PLK5: variants seen among roughly 807,000 people sequenced by gnomAD.
The protein encoded by PLK5 is inactive serine/threonine-protein kinase PLK5.
In PLK5, 28 loss-of-function variants were observed where a neutral mutation model predicts 33.7. The observed-to-expected ratio is 0.83, with a 90% CI of 0.62 to 1.14. The LOEUF is 1.14. PLK5 is among the 50% of genes most tolerant of loss of function. The pLI is 0.00. For synonymous variants in PLK5, 225 were observed against 202.2 expected (o/e 1.11, Z -0.96); for missense variants, 492 against 461.5 (o/e 1.07, Z -0.61).
Position 1,526,751 on chromosome 19 carries a change from G to A in PLK5, c.-135G>A. ...CATGGAGGTGAAGATTGGAGACCTGGGACTGGCGGCCAAGGTGGGGCCAGG... is the reference window on the plus strand; with the variant it reads ...CATGGAGGTGAAGATTGGAGACCTGAGACTGGCGGCCAAGGTGGGGCCAGG... On this transcript the variant is annotated 5_prime_UTR_variant, in exon 5 of 14. Transcript: ENST00000454744. 1.8e-6 allele frequency: 1 copy of A among 570,924 alleles called. No individual in the cohort carries two copies. Among genetic ancestry groups the A allele is most frequent in the Non-Finnish European group, 3.1e-6 (1 of 320,654 alleles). The allele number at this position is 570,924 out of a possible 1,614,324, so 35.4% of individuals were successfully genotyped here. A position where few individuals can be genotyped will look rare whatever the true frequency, so the allele number is the denominator to read the frequency against.
In PLK5 at chr19:1,528,284, C is replaced by G. The variant is rs1913806565; in HGVS notation, c.202-18C>G. On this transcript the variant is annotated intron_variant, in intron 7 of 13. Coordinates refer to ENST00000454744, the MANE Select transcript of PLK5 (RefSeq NM_001243079.2). ...TGGGTGACCTAAGCCGGGGATAACC[C>G]CAAATCCCCATCCAAAGGGTTTCAC... 1 of 1,535,798 alleles carries G rather than the reference C, an allele frequency of 6.5e-7. No homozygotes were observed. The highest frequency in any genetic ancestry group is 8.7e-7 in the Non-Finnish European group (1 of 1,146,818).
Position 1,528,072 on chromosome 19 carries a change from G to A in PLK5, c.139G>A (p.Ala47Thr). Residue 47 changes from alanine (A) to threonine (T), a missense_variant, in exon 7 of 14, where the codon GCA becomes ACA. By Grantham distance (58) the Ala-to-Thr change is moderately conservative. Coordinates refer to ENST00000454744, the MANE Select transcript of PLK5 (RefSeq NM_001243079.2). ...NARRLIVHLL[A>T]PNPAERPSLD... ...GCGCCGCCTCATCGTGCACCTCCTA[G>A]CACCCAACCCGGCCGAGCGGCCCAG... is the stretch of plus-strand genomic sequence containing the variant. 6.5e-7 allele frequency: 1 copy of A among 1,536,048 alleles called. No homozygotes were observed. The highest frequency in any genetic ancestry group is 8.7e-7 in the Non-Finnish European group (1 of 1,146,836).
chr19:1,524,863 T>C lies in PLK5; in HGVS notation c.-543-442T>C, dbSNP rs12461585. The C allele has an allele frequency of 0.38, 57,969 of 152,768 alleles. 11,828 individuals carry two copies. The highest frequency in any genetic ancestry group is 0.72 in the East Asian group (3,698 of 5,172). The allele number at this position is 152,768 out of a possible 1,614,324, so 9.5% of individuals were successfully genotyped here. A position where few individuals can be genotyped will look rare whatever the true frequency, so the allele number is the denominator to read the frequency against. On this transcript the variant is annotated intron_variant, in intron 1 of 13. Transcript: ENST00000454744. The surrounding 1 kb of genome is among the most constrained non-coding windows in gnomAD (Gnocchi z 4.5). Reference sequence around the variant, plus strand: ...GTGTTCATGTGTTTGTGTGTTCCTGTGCTGTGTCTGGGTATTGTGTTGTGT... The same window carrying C: ...GTGTTCATGTGTTTGTGTGTTCCTGCGCTGTGTCTGGGTATTGTGTTGTGT...
rs561175511 is a variant in PLK5 at position 1,528,818 on chromosome 19, G to T, written c.329-80G>T. 8.6e-5 allele frequency: 92 copies of T among 1,071,598 alleles called. No homozygotes were observed. In the African/African-American group the frequency reaches 1.1e-3, roughly 13 times the overall value. The allele number at this position is 1,071,598 out of a possible 1,614,324, so 66.4% of individuals were successfully genotyped here. A position where few individuals can be genotyped will look rare whatever the true frequency, so the allele number is the denominator to read the frequency against. ...TCCGCTCTGTCTCCACATCAGGGGT[G>T]GGTGTGGGTGGCAGGTGCCCCCCTA... On this transcript the variant is annotated intron_variant, in intron 8 of 13. Coordinates refer to ENST00000454744, the MANE Select transcript of PLK5 (RefSeq NM_001243079.2).
At position 1,535,662 on chromosome 19, in the gene PLK5, C is replaced by T. The variant is rs541342749; in HGVS notation, c.*412C>T. Reference sequence around the variant, plus strand: ...CTTTGGGAGGCCAAGGCAGGAGGATCGCTTGGGCCCAGGAGTTTGAGACCA... The same window carrying T: ...CTTTGGGAGGCCAAGGCAGGAGGATTGCTTGGGCCCAGGAGTTTGAGACCA... On this transcript the variant is annotated 3_prime_UTR_variant, in exon 14 of 14. Transcript: ENST00000454744. 26 of 191,716 alleles carry T rather than the reference C, an allele frequency of 1.4e-4. No homozygotes were observed. Among genetic ancestry groups the T allele is most frequent in the African/African-American group, 4.8e-4 (20 of 41,884 alleles). 11.9% of individuals were successfully genotyped at this position (191,716 alleles called of 1,614,324 possible). A position where few individuals can be genotyped will look rare whatever the true frequency, so the allele number is the denominator to read the frequency against.
rs1363759070 is a variant in PLK5 at position 1,529,490 on chromosome 19, G to A, written c.490G>A (p.Gly164Arg). 2.3e-5 allele frequency: 36 copies of A among 1,535,432 alleles called. No individual in the cohort carries two copies. Among genetic ancestry groups the A allele is most frequent in the South Asian group, 3.6e-5 (3 of 84,048 alleles). ...AQGTLQSDLAGPEGSRRPEVE... is the reference protein window; with the variant it reads ...AQGTLQSDLARPEGSRRPEVE... Reference sequence around the variant, plus strand: ...AGGGACCCTGCAGAGTGACCTGGCCGGTGAGCAGATCCCCGTCCCAGCCCG... The same window carrying A: ...AGGGACCCTGCAGAGTGACCTGGCCAGTGAGCAGATCCCCGTCCCAGCCCG... The change falls in exon 10 of 14, where the codon GGG becomes AGG. Residue 164 changes from glycine (G) to arginine (R), a missense_variant and splice_region_variant. By Grantham distance (125) the Gly-to-Arg change is moderately radical. Transcript: ENST00000454744.
rs1475503465 is a variant in PLK5 at position 1,528,981 on chromosome 19, C to T, written c.405+7C>T. ...CATGGAGTGGGACGGCGAGGTGAGACATCGGGGTGGGGGACACGGGGAGAC... is the reference window on the plus strand; with the variant it reads ...CATGGAGTGGGACGGCGAGGTGAGATATCGGGGTGGGGGACACGGGGAGAC... On this transcript the variant is annotated splice_region_variant and intron_variant, in intron 9 of 13. Transcript: ENST00000454744. 1 of 1,504,452 alleles carries T rather than the reference C, an allele frequency of 6.6e-7. No individual in the cohort carries two copies. Among genetic ancestry groups the T allele is most frequent in the Non-Finnish European group, 8.8e-7 (1 of 1,131,840 alleles). The allele number at this position is 1,504,452 out of a possible 1,614,324, so 93.2% of individuals were successfully genotyped here. A position where few individuals can be genotyped will look rare whatever the true frequency, so the allele number is the denominator to read the frequency against.
intron 12 of PLK5, among the ~76,000 whole-genome samples, chr19:1,532,713 G>A (rs532858776): frequency 2.0e-5 from 3 of 151,964 alleles, no homozygotes; most frequent in Non-Finnish European, 2.9e-5. Context: ...TTAGAGACGG[G>A]GTTTCTCCAT....
At chr19:1,534,690 G>A (rs12461603) in intron 13 of PLK5, among the ~76,000 whole-genome samples, 38,964 of 147,032 alleles carry the variant, frequency 0.27, 5,917 homozygotes, top group East Asian at 0.64. Flanking sequence ...GGTGGCGGGC[G>A]CCTGTAGTCC....
chr19:1,526,620 G>T lies in PLK5; in HGVS notation c.-183+5G>T. On this transcript the variant is annotated splice_donor_5th_base_variant and intron_variant, in intron 4 of 13. Coordinates refer to ENST00000454744, the MANE Select transcript of PLK5 (RefSeq NM_001243079.2). Reference sequence around the variant, plus strand: ...TGCACCGCGACCTGAAGCTCAGTGAGTGCCAGGAAGGGGAACTGTGGGCGG... The same window carrying T: ...TGCACCGCGACCTGAAGCTCAGTGATTGCCAGGAAGGGGAACTGTGGGCGG... 2.8e-6 allele frequency: 1 copy of T among 362,026 alleles called. No homozygotes were observed. The highest frequency in any genetic ancestry group is 7.3e-5 in the East Asian group (1 of 13,790). 22.4% of individuals were successfully genotyped at this position (362,026 alleles called of 1,614,324 possible). A position where few individuals can be genotyped will look rare whatever the true frequency, so the allele number is the denominator to read the frequency against.
chr19:1,528,885 G>T lies in PLK5; in HGVS notation c.329-13G>T. On this transcript the variant is annotated splice_polypyrimidine_tract_variant and intron_variant, in intron 8 of 13. Transcript: ENST00000454744. ...CAGGCTGTGCCCCCTCCAAGGCCTT[G>T]TGCCTCCCTCAGGCCCCTTCACGCC... The T allele has an allele frequency of 1.3e-6, 2 of 1,497,238 alleles. No individual in the cohort carries two copies. Among genetic ancestry groups the T allele is most frequent in the Non-Finnish European group, 1.8e-6 (2 of 1,130,142 alleles). The allele number at this position is 1,497,238 out of a possible 1,614,324, so 92.7% of individuals were successfully genotyped here. A position where few individuals can be genotyped will look rare whatever the true frequency, so the allele number is the denominator to read the frequency against.
chr19:1,526,741 T>C lies in PLK5; in HGVS notation c.-145T>C, dbSNP rs1413151925. 1.4e-5 allele frequency: 8 copies of C among 555,242 alleles called. No homozygotes were observed. Among genetic ancestry groups the C allele is most frequent in the Non-Finnish European group, 2.3e-5 (7 of 310,406 alleles). The allele number at this position is 555,242 out of a possible 1,614,324, so 34.4% of individuals were successfully genotyped here. A position where few individuals can be genotyped will look rare whatever the true frequency, so the allele number is the denominator to read the frequency against. ...TTAACAAGAACATGGAGGTGAAGAT[T>C]GGAGACCTGGGACTGGCGGCCAAGG... On this transcript the variant is annotated 5_prime_UTR_variant, in exon 5 of 14. Coordinates refer to ENST00000454744, the MANE Select transcript of PLK5 (RefSeq NM_001243079.2).
At position 1,529,397 on chromosome 19, in the gene PLK5, C is replaced by T. The variant is rs758446240; in HGVS notation, c.406-9C>T. The stretch of plus-strand genomic sequence containing the variant: ...GGGGCCACCCCCACCCCTGCTGCTC[C>T]CACCTCAGAGCTCCCTGTCTGCGAA... On this transcript the variant is annotated splice_polypyrimidine_tract_variant and intron_variant, in intron 9 of 13. Transcript: ENST00000454744. 5 of 1,535,354 alleles carry T rather than the reference C, an allele frequency of 3.3e-6. No individual in the cohort carries two copies. The highest frequency in any genetic ancestry group is 2.4e-5 in the South Asian group (2 of 84,022).
Position 1,531,790 on chromosome 19 carries a change from G to T in PLK5, c.621G>T (p.Trp207Cys). ...AGCCCATCCTCTGGGCCCCCAAATGGGTGGATTATTCCAGCAAATACGGCT... is the reference window on the plus strand; with the variant it reads ...AGCCCATCCTCTGGGCCCCCAAATGTGTGGATTATTCCAGCAAATACGGCT... ...EQQPILWAPK[W>C]VDYSSKYGFG... is the part of the protein sequence containing the mutation. The change falls in exon 12 of 14, where the codon TGG (tryptophan) becomes TGT (cysteine). Residue 207 changes from tryptophan to cysteine, a missense_variant. Transcript: ENST00000454744. 6.5e-7 allele frequency: 1 copy of T among 1,535,720 alleles called. No individual in the cohort carries two copies. The highest frequency in any genetic ancestry group is 8.7e-7 in the Non-Finnish European group (1 of 1,146,684).
chr19:1,535,278 G>A lies in PLK5; in HGVS notation c.*28G>A. The A allele has an allele frequency of 6.6e-7, 1 of 1,519,238 alleles. No homozygotes were observed. The allele number at this position is 1,519,238 out of a possible 1,614,324, so 94.1% of individuals were successfully genotyped here. A position where few individuals can be genotyped will look rare whatever the true frequency, so the allele number is the denominator to read the frequency against. ...CCCCTGAGGGTCAGAGTGGACCCCT[G>A]CATGGTAGTGCCAGGGACCCAGGCT... On this transcript the variant is annotated 3_prime_UTR_variant, in exon 14 of 14. Transcript: ENST00000454744.
chr19:1,528,176 C>CCTGGCGTGGGGTCA, intron 7 of PLK5, 42 bp downstream of exon 7: 1 of 1,529,752 alleles, frequency 6.5e-7, no homozygotes, highest in Non-Finnish European at 8.8e-7. Context: ...GCGTGGGGTC[C>CCTGGCGTGGGGTCA]CTGGCAGGTG....
Position 1,528,482 on chromosome 19 carries a change from G to A in PLK5, c.328+54G>A. The A allele has an allele frequency of 4.3e-6, 6 of 1,387,098 alleles. No homozygotes were observed. The East Asian group carries it at 1.6e-4, about 36-fold the overall frequency. The allele number at this position is 1,387,098 out of a possible 1,614,324, so 85.9% of individuals were successfully genotyped here. ...CAACACCTGCCCACGCCTCCCACCT[G>A]CCCACACCTCCCACCTGCCCACGCC... is the stretch of plus-strand genomic sequence containing the variant. On this transcript the variant is annotated intron_variant, in intron 8 of 13. Coordinates refer to ENST00000454744, the MANE Select transcript of PLK5 (RefSeq NM_001243079.2).
intron 4 of PLK5, 25 bp downstream of exon 4, chr19:1,526,640 G>A: frequency 2.7e-6 from 1 of 377,198 alleles, no homozygotes; most frequent in Non-Finnish European, 5.0e-6. Context: ...GGGGAACTGT[G>A]GGCGGGGGCG....
chr19:1,528,211 G>T, intron 7 of PLK5, 77 bp downstream of exon 7: 2 of 1,532,570 alleles, frequency 1.3e-6, no homozygotes, highest in Non-Finnish European at 1.7e-6. Flanking sequence ...GCCCTGCTCA[G>T]CCGAGGGAGG....
Sources: allele counts gnomAD v4.1 joint callset (sites outside exome capture counted in the v4.1 genomes callset), GRCh38; gene constraint gnomAD v4.1.1; non-coding constraint Gnocchi (gnomAD v3.1); transcripts MANE v1.5; gene names NCBI Gene and HGNC (gene_info 2026-07-23, HGNC 2026-07-21).